Variants in CA10 observed in about 807,000 individuals in gnomAD.
CA10 encodes carbonic anhydrase-related protein 10.
A neutral mutation model predicts 44.2 loss-of-function variants in CA10; 14 were observed. That is an observed-to-expected ratio of 0.32 (90% CI 0.21 to 0.50). The LOEUF (loss-of-function observed/expected upper bound fraction) is 0.50. Ranked by LOEUF, CA10 falls within the 20% of genes least tolerant of loss-of-function variation. CA10 has a pLI of 0.99. For synonymous variants in CA10, 159 were observed against 141.6 expected (o/e 1.12, Z -0.87); for missense variants, 350 against 409.7 (o/e 0.85, Z 1.26).
chr17:52,090,817 G>A (rs1466842508), intron 1 of CA10, among the ~76,000 whole-genome samples: 1 of 152,106 alleles, frequency 6.6e-6, no homozygotes, highest in Non-Finnish European at 1.5e-5. Flanking sequence ...CTGGAACGTG[G>A]TGTAAAACTG....
chr17:51,818,448 A>G (rs564486347), intron 3 of CA10, among the ~76,000 whole-genome samples: 7 of 152,168 alleles, frequency 4.6e-5, no homozygotes, highest in African/African-American at 1.7e-4. Context: ...CTGGCATTAC[A>G]TCTTTCTAAA....
At chr17:51,785,683 T>C (rs1418158144) in intron 3 of CA10, among the ~76,000 whole-genome samples, 1 of 152,226 alleles carries the variant, frequency 6.6e-6, no homozygotes, top group Non-Finnish European at 1.5e-5. Context: ...TTTATGCCAG[T>C]ACCATGCTGT....
chr17:51,666,015 T>C (rs1914192557), intron 4 of CA10, among the ~76,000 whole-genome samples: 1 of 152,266 alleles, frequency 6.6e-6, no homozygotes, highest in South Asian at 2.1e-4. Flanking sequence ...CAGGGTCTCC[T>C]GGCAGCCACT....
At chr17:51,957,817 A>G (rs968640953) in intron 2 of CA10, among the ~76,000 whole-genome samples, 1 of 152,132 alleles carries the variant, frequency 6.6e-6, no homozygotes, top group South Asian at 2.1e-4. Context: ...GCTTTGAATG[A>G]CATTCCCTGT....
At chr17:51,803,004 T>A (rs1906995092) in intron 3 of CA10, among the ~76,000 whole-genome samples, 9 of 152,204 alleles carry the variant, frequency 5.9e-5, no homozygotes, top group Admixed American at 5.9e-4. Flanking sequence ...CTGCCAGTTA[T>A]GACAAGACAC....
At chr17:51,854,238 C>A (rs9896174) in intron 3 of CA10, among the ~76,000 whole-genome samples, 29,063 of 152,058 alleles carry the variant, frequency 0.19, 4,816 homozygotes, top group African/African-American at 0.45. Context: ...GAGGCCAAGT[C>A]AATAGGTTCA....
chr17:51,677,928 C>T (rs1042145504), intron 4 of CA10, among the ~76,000 whole-genome samples: 2 of 149,310 alleles, frequency 1.3e-5, no homozygotes, highest in African/African-American at 2.5e-5. Context: ...GGTACCCAAA[C>T]TGAAAACTGT....
At chr17:52,125,033 ACTGT>A (rs1989090063) in intron 1 of CA10, among the ~76,000 whole-genome samples, 1 of 152,020 alleles carries the variant, frequency 6.6e-6, no homozygotes, top group South Asian at 2.1e-4. Context: ...CATACACATC[ACTGT>A]CTGTCTCTCC....
intron 5 of CA10, among the ~76,000 whole-genome samples, chr17:51,653,247 A>G (rs939880654): frequency 1.6e-4 from 24 of 152,126 alleles, no homozygotes; most frequent in African/African-American, 5.3e-4. Flanking sequence ...ACTTCTTCCT[A>G]TGTTTACAAG....
intron 4 of CA10, among the ~76,000 whole-genome samples, chr17:51,688,923 A>C (rs1476997991): frequency 6.6e-6 from 1 of 152,204 alleles, no homozygotes; most frequent in East Asian, 1.9e-4. Flanking sequence ...TGTTGTCCTA[A>C]CACTTGTATA....
intron 4 of CA10, among the ~76,000 whole-genome samples, chr17:51,716,668 A>T (rs1916124326): frequency 6.6e-6 from 1 of 152,150 alleles, no homozygotes; most frequent in African/African-American, 2.4e-5. Context: ...ATTAAGCTGC[A>T]GTTCCCTCCA....
At chr17:51,843,135 A>G (rs1461566666) in intron 3 of CA10, among the ~76,000 whole-genome samples, 2 of 152,194 alleles carry the variant, frequency 1.3e-5, no homozygotes, top group African/African-American at 2.4e-5. Flanking sequence ...AACTGTGGAG[A>G]CATCTCCAGC....
At chr17:51,817,754 T>G (rs1907621370) in intron 3 of CA10, among the ~76,000 whole-genome samples, 1 of 152,134 alleles carries the variant, frequency 6.6e-6, no homozygotes, top group Admixed American at 6.5e-5. Context: ...CAGTGGTACA[T>G]CCCTTCATAT....
At chr17:51,995,146 G>A (rs964181731) in intron 2 of CA10, among the ~76,000 whole-genome samples, 8 of 151,952 alleles carry the variant, frequency 5.3e-5, no homozygotes, top group Admixed American at 1.3e-4. Context: ...CAAGATTATG[G>A]TTGATACACA....
intron 4 of CA10, among the ~76,000 whole-genome samples, chr17:51,681,083 A>C (rs2143390369): frequency 6.6e-6 from 1 of 152,360 alleles, no homozygotes; most frequent in African/African-American, 2.4e-5. Flanking sequence ...CTTAATCTGC[A>C]CAGTGGTTAG....
In CA10 at chr17:52,037,484, T is replaced by C. The variant is rs367571394; in HGVS notation, c.136+34835A>G. Among the ~76,000 whole-genome samples the C allele has an allele frequency of 8.8e-4, 134 of 152,258 alleles. 2 individuals carry two copies. The highest frequency in any genetic ancestry group is 3.1e-3 in the African/African-American group (128 of 41,542). On this transcript the variant is annotated intron_variant, in intron 2 of 8. Coordinates refer to ENST00000451037, the MANE Select transcript of CA10 (RefSeq NM_020178.5). ...TCTGCTTTATACTAGGTGGAATGCA[T>C]TGTGTACATTTCATAAAGAAATATA...
rs531594736 is a variant in CA10 at position 52,128,453 on chromosome 17, T to C, written c.61+29273A>G. On this transcript the variant is annotated intron_variant, in intron 1 of 8. Transcript: ENST00000451037. Reference sequence around the variant, plus strand: ...CCAAGATCACTGACTGTCCCCCTGCTGAATCTGACAATGGCCTTCATGGGT... The same window carrying C: ...CCAAGATCACTGACTGTCCCCCTGCCGAATCTGACAATGGCCTTCATGGGT... Among the ~76,000 whole-genome samples the C allele has an allele frequency of 7.3e-3, 1,107 of 152,314 alleles. 8 individuals carry two copies. The highest frequency in any genetic ancestry group is 0.012 in the Non-Finnish European group (805 of 68,024).
chr17:51,826,284 A>C (rs1232955944), intron 3 of CA10, among the ~76,000 whole-genome samples: 1 of 152,244 alleles, frequency 6.6e-6, no homozygotes, highest in African/African-American at 2.4e-5. Context: ...CACCGTCAGC[A>C]AAGTTCATCA....
chr17:51,971,789 G>T (rs1446665766), intron 2 of CA10, among the ~76,000 whole-genome samples: 1 of 151,950 alleles, frequency 6.6e-6, no homozygotes, highest in African/African-American at 2.4e-5. Flanking sequence ...AAATAAAGAT[G>T]CTAGAGATCT....
Sources: gnomAD v4.1 joint callset for allele counts (sites outside exome capture counted in the v4.1 genomes callset) on GRCh38, gnomAD v4.1.1 for gene constraint, MANE v1.5 for transcripts, NCBI Gene and HGNC (gene_info 2026-07-23, HGNC 2026-07-21) for gene names.